IFNAR2: variants seen among roughly 807,000 people sequenced by gnomAD.
IFNAR2 encodes the protein interferon alpha and beta receptor subunit 2.
Under a neutral mutation model 49.4 loss-of-function variants are expected in IFNAR2, and 30 were observed. The ratio of observed to expected loss-of-function variants is 0.61; its 90% CI spans 0.45 to 0.82. IFNAR2 has a LOEUF of 0.82. Among genes scored for constraint, IFNAR2 ranks in the 40% least tolerant of loss-of-function variants. The probability of loss-of-function intolerance (pLI) is 0.00; values close to 1 mark genes in which losing one functional copy is unlikely to be tolerated. For synonymous variants in IFNAR2, 224 were observed against 234.5 expected (o/e 0.96, Z 0.41); for missense variants, 600 against 622.7 (o/e 0.96, Z 0.39).
chr21:33,255,591 G>C (rs1048735296), intron 7 of IFNAR2, among the ~76,000 whole-genome samples: 2 of 158 alleles, frequency 0.013, no homozygotes, highest in African/African-American at 0.048. Context: ...CTGTCCCTGG[G>C]GAGTCAGGTG....
intron 1 of IFNAR2, chr21:33,234,630 C>T (rs1986312144): frequency 2.2e-6 from 1 of 454,090 alleles, no homozygotes; most frequent in East Asian, 1.5e-4. Context: ...TCACTTCACT[C>T]AATCCATCCA....
chr21:33,240,101 C>A (rs539240866), intron 1 of IFNAR2, among the ~76,000 whole-genome samples: 71 of 152,208 alleles, frequency 4.7e-4, no homozygotes, highest in Non-Finnish European at 9.4e-4. Flanking sequence ...TTGTGAGCTG[C>A]AGATTCTATA....
At position 33,230,643 on chromosome 21, in the gene IFNAR2, C is replaced by T; in HGVS notation, c.-84+427C>T. On this transcript the variant is annotated intron_variant, in intron 1 of 8. Coordinates refer to ENST00000342136, the MANE Select transcript of IFNAR2 (RefSeq NM_001289125.3). The surrounding 1 kb of genome is among the most constrained non-coding windows in gnomAD (Gnocchi z 5.5). ...GGCTCACCAGCTGGGTGCTCAGGTT[C>T]GGGATCTCCAGCCCGCCCCCTTGAG... is the stretch of plus-strand genomic sequence containing the variant. 1 of 467,718 alleles carries T rather than the reference C, an allele frequency of 2.1e-6. No homozygotes were observed. The highest frequency in any genetic ancestry group is 1.6e-5 in the South Asian group (1 of 64,164). 29.0% of individuals were successfully genotyped at this position (467,718 alleles called of 1,614,324 possible).
In IFNAR2 at chr21:33,263,534, G is replaced by T; in HGVS notation, c.*34G>T. 6.4e-7 allele frequency: 1 copy of T among 1,558,112 alleles called. No homozygotes were observed. The highest frequency in any genetic ancestry group is 8.7e-7 in the Non-Finnish European group (1 of 1,154,696). ...CTATTGAATGAACTTGGACAGACAA[G>T]CACCTACAGGGTTCTTTGTCTCTGC... is the stretch of plus-strand genomic sequence containing the variant. On this transcript the variant is annotated 3_prime_UTR_variant, in exon 9 of 9. Transcript: ENST00000342136.
Position 33,244,956 on chromosome 21 carries a change from A to T in IFNAR2, c.103A>T (p.Thr35Ser), listed in dbSNP as rs750091350. The T allele has an allele frequency of 6.2e-7, 1 of 1,613,576 alleles. No homozygotes were observed. Among genetic ancestry groups the T allele is most frequent in the African/African-American group, 1.3e-5 (1 of 74,994 alleles). ...FGISYDSPDYTDESCTFKISL... is the reference protein window; with the variant it reads ...FGISYDSPDYSDESCTFKISL... ...CTTTTTCTTCTTCTCTTTAGATTAC[A>T]CAGATGAATCTTGCACTTTCAAGAT... The change falls in exon 4 of 9, where the codon ACA (threonine) becomes TCA (serine). Residue 35 changes from threonine to serine, a missense_variant. By Grantham distance (58) the Thr-to-Ser change is moderately conservative. Coordinates refer to ENST00000342136, the MANE Select transcript of IFNAR2 (RefSeq NM_001289125.3).
At chr21:33,239,537 T>G (rs1986753385) in intron 1 of IFNAR2, among the ~76,000 whole-genome samples, 1 of 151,268 alleles carries the variant, frequency 6.6e-6, no homozygotes, top group South Asian at 2.1e-4. Flanking sequence ...GGTTCTGTAC[T>G]CTCCCTCCTG....
rs1376583962 is a variant in IFNAR2, at chr21:33,265,328, C to T, written c.*1828C>T. ...AAGAGCTGGTTTCTCAAACCTTTCT[C>T]TTAGGCCCCTTCAAAGGGGGAAAAC... On this transcript the variant is annotated 3_prime_UTR_variant, in exon 9 of 9. Transcript: ENST00000342136. The T allele has an allele frequency of 6.6e-6, 1 of 152,372 alleles. No homozygotes were observed. The highest frequency in any genetic ancestry group is 1.9e-4 in the East Asian group (1 of 5,196). 9.4% of individuals were successfully genotyped at this position (152,372 alleles called of 1,614,324 possible).
intron 7 of IFNAR2, among the ~76,000 whole-genome samples, chr21:33,254,660 TTTA>T (rs199733961): frequency 0.012 from 1,783 of 152,266 alleles, 30 homozygotes; most frequent in African/African-American, 0.04. Flanking sequence ...GATGCTTCCT[TTTA>T]TTAATTCCAA....
chr21:33,237,853 A>T (rs931222092), intron 1 of IFNAR2, among the ~76,000 whole-genome samples: 4 of 152,188 alleles, frequency 2.6e-5, no homozygotes, highest in African/African-American at 9.7e-5. Context: ...CATTGTTTTT[A>T]GCTTGAACTT....
At chr21:33,241,153 A>G (rs1331367809) in intron 1 of IFNAR2, among the ~76,000 whole-genome samples, 1 of 152,214 alleles carries the variant, frequency 6.6e-6, no homozygotes, top group Non-Finnish European at 1.5e-5. Context: ...TATGCAATAT[A>G]TCTATCTAAC....
At chr21:33,258,243 T>A (rs1324454763) in intron 7 of IFNAR2, among the ~76,000 whole-genome samples, 1 of 152,102 alleles carries the variant, frequency 6.6e-6, no homozygotes, top group Non-Finnish European at 1.5e-5. Flanking sequence ...AGGTGGGGGT[T>A]GCAGTGAGCC....
At chr21:33,236,564 T>A (rs1323105428) in intron 1 of IFNAR2, among the ~76,000 whole-genome samples, 1 of 152,112 alleles carries the variant, frequency 6.6e-6, no homozygotes, top group Non-Finnish European at 1.5e-5. Context: ...GGCCCTGACC[T>A]CTCCAGCATC....
At chr21:33,247,392 C>T (rs867900462) in intron 5 of IFNAR2, among the ~76,000 whole-genome samples, 20 of 151,882 alleles carry the variant, frequency 1.3e-4, no homozygotes, top group South Asian at 1.0e-3. Context: ...GCTGGGATTA[C>T]AAGCACACAC....
chr21:33,237,107 G>GTGTGTGTGTGTGTGTGTT (rs1568876871), intron 1 of IFNAR2, among the ~76,000 whole-genome samples: 9 of 146,356 alleles, frequency 6.1e-5, no homozygotes, highest in Non-Finnish European at 9.2e-5. Context: ...GTGTGTGTGT[G>GTGTGTGTGTGTGTGTGTT]TGTTTTCTCG....
Position 33,230,186 on chromosome 21 carries a change from T to C in IFNAR2, c.-114T>C. On this transcript the variant is annotated 5_prime_UTR_variant, in exon 1 of 9. Transcript: ENST00000342136. The surrounding 1 kb of genome is among the most constrained non-coding windows in gnomAD (Gnocchi z 5.5). ...GCGGCTGGGGCCCGAGGCTAGCATC[T>C]CTCGGGAGCCGCAAGGCGAGAGCTG... is the stretch of plus-strand genomic sequence containing the variant. The C allele has an allele frequency of 2.0e-6, 2 of 1,017,178 alleles. No individual in the cohort carries two copies. Among genetic ancestry groups the C allele is most frequent in the Non-Finnish European group, 2.4e-6 (2 of 847,224 alleles). The allele number at this position is 1,017,178 out of a possible 1,614,324, so 63.0% of individuals were successfully genotyped here. A position where few individuals can be genotyped will look rare whatever the true frequency, so the allele number is the denominator to read the frequency against.
chr21:33,263,533 A>G lies in IFNAR2; in HGVS notation c.*33A>G. The G allele has an allele frequency of 6.4e-7, 1 of 1,560,250 alleles. No individual in the cohort carries two copies. Among genetic ancestry groups the G allele is most frequent in the Non-Finnish European group, 8.7e-7 (1 of 1,155,984 alleles). ...ACTATTGAATGAACTTGGACAGACA[A>G]GCACCTACAGGGTTCTTTGTCTCTG... On this transcript the variant is annotated 3_prime_UTR_variant, in exon 9 of 9. Coordinates refer to ENST00000342136, the MANE Select transcript of IFNAR2 (RefSeq NM_001289125.3).
chr21:33,248,245 A>C (rs1987583459), intron 5 of IFNAR2, among the ~76,000 whole-genome samples: 1 of 151,932 alleles, frequency 6.6e-6, no homozygotes, highest in South Asian at 2.1e-4. Context: ...AGTGGCTCAC[A>C]CCTGTAATCC....
intron 2 of IFNAR2, among the ~76,000 whole-genome samples, chr21:33,243,242 C>T (rs1987128653): frequency 6.6e-6 from 1 of 152,050 alleles, no homozygotes; most frequent in Non-Finnish European, 1.5e-5. Context: ...ACCACCACAC[C>T]CAGCTAATTT....
chr21:33,249,365 GAGTA>G (rs1987684432), intron 6 of IFNAR2, among the ~76,000 whole-genome samples: 1 of 139,440 alleles, frequency 7.2e-6, no homozygotes, highest in Middle Eastern at 3.6e-3. Context: ...AAAAAAAAAA[GAGTA>G]AGCCACATGC....
Sources: gnomAD v4.1 joint callset for allele counts (sites outside exome capture counted in the v4.1 genomes callset) on GRCh38, gnomAD v4.1.1 for gene constraint, Gnocchi (gnomAD v3.1) non-coding constraint, MANE v1.5 for transcripts, NCBI Gene and HGNC (gene_info 2026-07-23, HGNC 2026-07-21) for gene names.